The following GPR158 variants were observed in gnomAD, a reference collection of about 807,000 sequenced individuals.
GPR158 encodes metabotropic glycine receptor.
Under a neutral mutation model 78.2 loss-of-function variants are expected in GPR158, and 30 were observed. The ratio of observed to expected loss-of-function variants is 0.38; its 90% confidence interval spans 0.29 to 0.52. GPR158 has a LOEUF of 0.52. GPR158 is among the 20% of genes least tolerant of loss of function. The pLI is 0.83. For synonymous variants in GPR158, 581 were observed against 591.1 expected (o/e 0.98, Z 0.25); for missense variants, 1,463 against 1,523.5 (o/e 0.96, Z 0.66).
chr10:25,549,052 GA>G (rs1836698252), intron 5 of GPR158, among the ~76,000 whole-genome samples: 1 of 152,164 alleles, frequency 6.6e-6, no homozygotes, highest in Non-Finnish European at 1.5e-5. Context: ...GGTGGATAAT[GA>G]AAAGCTTTAC....
At chr10:25,231,684 C>T (rs1401850228) in intron 2 of GPR158, among the ~76,000 whole-genome samples, 1 of 152,116 alleles carries the variant, frequency 6.6e-6, no homozygotes, top group Non-Finnish European at 1.5e-5. Context: ...GGGACCTACT[C>T]CTAGTAGAGA....
intron 1 of GPR158, among the ~76,000 whole-genome samples, chr10:25,218,761 C>A (rs529718254): frequency 6.6e-6 from 1 of 152,244 alleles, no homozygotes; most frequent in East Asian, 1.9e-4. Context: ...GAAATTTCAC[C>A]TCAGTGAGAT....
intron 5 of GPR158, among the ~76,000 whole-genome samples, chr10:25,515,061 C>A (rs1836144499): frequency 6.6e-6 from 1 of 152,042 alleles, no homozygotes; most frequent in Non-Finnish European, 1.5e-5. Context: ...ATGTCTAGAT[C>A]TCTAACAAGG....
intron 4 of GPR158, among the ~76,000 whole-genome samples, chr10:25,434,444 A>C (rs1834969355): frequency 6.6e-6 from 1 of 152,226 alleles, no homozygotes; most frequent in African/African-American, 2.4e-5. Flanking sequence ...CTATTTGAAA[A>C]ATATTATGAG....
At chr10:25,415,500 G>A (rs1834646812) in intron 4 of GPR158, among the ~76,000 whole-genome samples, 1 of 152,044 alleles carries the variant, frequency 6.6e-6, no homozygotes, top group African/African-American at 2.4e-5. Flanking sequence ...AAAGATGGTA[G>A]CAAGTGTTGC....
chr10:25,335,315 T>C (rs532564608), intron 2 of GPR158, among the ~76,000 whole-genome samples: 1 of 152,230 alleles, frequency 6.6e-6, no homozygotes, highest in South Asian at 2.1e-4. Context: ...TACTCACTAA[T>C]AGCTTTTTGC....
chr10:25,376,158 T>C (rs964915149), intron 2 of GPR158, among the ~76,000 whole-genome samples: 2 of 151,596 alleles, frequency 1.3e-5, no homozygotes, highest in Non-Finnish European at 3.0e-5. Context: ...ATTGTGATTT[T>C]AATTTTGGAT....
At chr10:25,445,648 G>A (rs73608298) in intron 4 of GPR158, among the ~76,000 whole-genome samples, 2,310 of 152,114 alleles carry the variant, frequency 0.015, 62 homozygotes, top group African/African-American at 0.052. Flanking sequence ...CATGATTCAC[G>A]GCAGCAACAC....
At chr10:25,458,324 C>A (rs1167259599) in intron 4 of GPR158, among the ~76,000 whole-genome samples, 1 of 151,984 alleles carries the variant, frequency 6.6e-6, no homozygotes, top group East Asian at 1.9e-4. Flanking sequence ...TGTACCAAAC[C>A]CTTACTTGAG....
intron 7 of GPR158, among the ~76,000 whole-genome samples, chr10:25,576,437 C>T (rs1271641090): frequency 2.0e-5 from 3 of 152,162 alleles, no homozygotes; most frequent in East Asian, 1.9e-4. Context: ...TTCTGCTCTC[C>T]TCCAGAGAGA....
At chr10:25,250,526 T>A (rs1588758210) in intron 2 of GPR158, among the ~76,000 whole-genome samples, 2 of 146,732 alleles carry the variant, frequency 1.4e-5, no homozygotes, top group Admixed American at 1.4e-4. Flanking sequence ...TTGTTCTCGT[T>A]GGTTTCAAAG....
chr10:25,264,104 G>T (rs1438719925), intron 2 of GPR158, among the ~76,000 whole-genome samples: 1 of 152,066 alleles, frequency 6.6e-6, no homozygotes, highest in Non-Finnish European at 1.5e-5. Context: ...CAGCATTGTG[G>T]TAACTGGTTT....
chr10:25,223,391 C>T (rs1416828539), intron 2 of GPR158, among the ~76,000 whole-genome samples: 1 of 152,118 alleles, frequency 6.6e-6, no homozygotes, highest in African/African-American at 2.4e-5. Context: ...ATGGGGTAGT[C>T]TTCCCTGCAC....
intron 3 of GPR158, among the ~76,000 whole-genome samples, chr10:25,407,565 T>C (rs895299782): frequency 1.3e-5 from 2 of 152,168 alleles, no homozygotes; most frequent in African/African-American, 2.4e-5. Context: ...ATTGGACTTA[T>C]GATCTCTTCC....
intron 1 of GPR158, among the ~76,000 whole-genome samples, chr10:25,199,575 G>A (rs1852891465): frequency 6.6e-6 from 1 of 152,146 alleles, no homozygotes; most frequent in African/African-American, 2.4e-5. Flanking sequence ...GAGGGACCTA[G>A]TGGGAGATGA....
At chr10:25,193,242 T>C (rs1197269749) in intron 1 of GPR158, among the ~76,000 whole-genome samples, 1 of 152,112 alleles carries the variant, frequency 6.6e-6, no homozygotes, top group Non-Finnish European at 1.5e-5. Context: ...TAATTATTGA[T>C]AGAACCAAGT....
chr10:25,379,892 CTT>C (rs34353740), intron 2 of GPR158, among the ~76,000 whole-genome samples: 24 of 148,488 alleles, frequency 1.6e-4, no homozygotes, highest in Non-Finnish European at 1.9e-4. Flanking sequence ...TATTTACCTC[CTT>C]TTTTTTTTTA....
At position 25,280,634 on chromosome 10, in the gene GPR158, T is replaced by G. The variant is rs188923847; in HGVS notation, c.1008+59477T>G. ...TACATTGGACTCTGCAGTCTCAAAT[T>G]ACAGACTGCATTTTTTTCTCAAAAC... On this transcript the variant is annotated intron_variant, in intron 2 of 10. Coordinates refer to ENST00000376351, the MANE Select transcript of GPR158 (RefSeq NM_020752.3). Among the ~76,000 whole-genome samples the G allele has an allele frequency of 2.0e-5, 3 of 152,312 alleles. No individual in the cohort carries two copies. In the East Asian group the frequency reaches 5.8e-4, roughly 29 times the overall value.
intron 2 of GPR158, among the ~76,000 whole-genome samples, chr10:25,315,589 CTATTG>C (rs764141085): frequency 3.8e-4 from 58 of 152,080 alleles, no homozygotes; most frequent in Admixed American, 7.2e-4. Flanking sequence ...ATTGATATGA[CTATTG>C]TATTTGATCT....
Sources: gnomAD v4.1 joint callset for allele counts (sites outside exome capture counted in the v4.1 genomes callset) on GRCh38, gnomAD v4.1.1 for gene constraint, MANE v1.5 for transcripts, NCBI Gene and HGNC (gene_info 2026-07-23, HGNC 2026-07-21) for gene names.